The following LAMA2 variants were observed in gnomAD, a reference collection of about 807,000 sequenced individuals.
LAMA2 encodes laminin subunit alpha 2.
A neutral mutation model predicts 364.8 loss-of-function variants in LAMA2; 269 were observed. The ratio of observed to expected loss-of-function variants is 0.74; its 90% CI spans 0.67 to 0.82. The LOEUF is 0.82. LAMA2 is among the 40% of genes least tolerant of loss of function. The pLI is 0.00. For missense variants in LAMA2, 3,807 were observed against 3,873.2 expected (o/e 0.98, Z 0.45); for synonymous variants, 1,379 against 1,370.6 (o/e 1.01, Z -0.14).
intron 55 of LAMA2, among the ~76,000 whole-genome samples, 186 bp from the exon 56 acceptor site, chr6:129,486,287 CA>C (rs2114848446): frequency 6.6e-6 from 1 of 152,296 alleles, no homozygotes; most frequent in African/African-American, 2.4e-5. Flanking sequence ...GATCATCTCA[CA>C]AGCAAAAATG....
At chr6:129,496,984 A>C (rs1020078394) in intron 58 of LAMA2, among the ~76,000 whole-genome samples, 4 of 152,048 alleles carry the variant, frequency 2.6e-5, no homozygotes, top group African/African-American at 9.7e-5. Context: ...CCATCTCTCT[A>C]TTTATTCTTT....
rs1406058979 is a variant in LAMA2, at chr6:129,260,726, C to G, written c.2112C>G (p.Asn704Lys). The change falls in exon 15 of 65, where the codon AAC becomes AAG. Residue 704 changes from asparagine (N) to lysine (K), a missense_variant. Coordinates refer to ENST00000421865, the MANE Select transcript of LAMA2 (RefSeq NM_000426.4). ...MDAIFRLSSV[N>K]LESAVSYPTD... ...TCTGCCATAGGTTGAGCTCTGTTAACCTTGAATCCGCTGTCTCCTATCCTA... is the reference window on the plus strand; with the variant it reads ...TCTGCCATAGGTTGAGCTCTGTTAAGCTTGAATCCGCTGTCTCCTATCCTA... The G allele has an allele frequency of 6.2e-7, 1 of 1,610,820 alleles. No homozygotes were observed. Among genetic ancestry groups the G allele is most frequent in the African/African-American group, 1.3e-5 (1 of 74,914 alleles).
At chr6:129,133,682 A>G (rs1054249965) in intron 4 of LAMA2, among the ~76,000 whole-genome samples, 6 of 152,204 alleles carry the variant, frequency 3.9e-5, no homozygotes, top group African/African-American at 1.4e-4. Context: ...CATTAGTATG[A>G]TTCCATAAAT....
At chr6:129,185,991 A>C (rs1294691154) in intron 10 of LAMA2, among the ~76,000 whole-genome samples, 1 of 151,750 alleles carries the variant, frequency 6.6e-6, no homozygotes, top group East Asian at 1.9e-4. Flanking sequence ...CTGTAGTGTG[A>C]AAATTATCAT....
chr6:129,284,392 A>G (rs1379967705), intron 18 of LAMA2, among the ~76,000 whole-genome samples: 2 of 152,166 alleles, frequency 1.3e-5, no homozygotes, highest in African/African-American at 2.4e-5. Context: ...GTGTGCTGCC[A>G]TAATAGCATT....
chr6:129,251,587 T>C (rs190295478), intron 13 of LAMA2, among the ~76,000 whole-genome samples: 1 of 152,316 alleles, frequency 6.6e-6, no homozygotes, highest in Admixed American at 6.5e-5. Flanking sequence ...CTTCCCTTCA[T>C]GTATACCACA....
intron 1 of LAMA2, chr6:128,930,031 C>T (rs1282077574): frequency 4.5e-6 from 2 of 448,202 alleles, no homozygotes; most frequent in Admixed American, 3.9e-5. Context: ...TTGCAGAGCA[C>T]GGGGCGCCGT....
chr6:129,137,347 A>G (rs1021542163), intron 4 of LAMA2, among the ~76,000 whole-genome samples: 1 of 152,014 alleles, frequency 6.6e-6, no homozygotes, highest in African/African-American at 2.4e-5. Context: ...TTCTGAGTAG[A>G]AGGAATATTA....
Position 129,314,747 on chromosome 6 carries a change from C to T in LAMA2, c.3504C>T (p.Cys1168=), listed in dbSNP as rs1325699817. The T allele has an allele frequency of 6.2e-7, 1 of 1,613,918 alleles. No homozygotes were observed. The highest frequency in any genetic ancestry group is 1.3e-5 in the African/African-American group (1 of 74,930). The part of the protein sequence containing the change: ...KNPLGCSSCY[C]FGTTTQCSEA... Reference sequence around the variant, plus strand: ...CACTTGGCTGCAGCAGCTGCTATTGCTTCGGCACTACTACCCAGTGCTCTG... The same window carrying T: ...CACTTGGCTGCAGCAGCTGCTATTGTTTCGGCACTACTACCCAGTGCTCTG... Residue 1168 remains cysteine, a synonymous_variant, in exon 24 of 65, where the codon TGC becomes TGT. Coordinates refer to ENST00000421865, the MANE Select transcript of LAMA2 (RefSeq NM_000426.4).
intron 12 of LAMA2, among the ~76,000 whole-genome samples, chr6:129,244,396 G>A (rs1475794602): frequency 1.3e-5 from 2 of 152,028 alleles, no homozygotes; most frequent in African/African-American, 4.8e-5. Flanking sequence ...TAAGGCTCGC[G>A]GGCTTTGGGA....
intron 12 of LAMA2, among the ~76,000 whole-genome samples, chr6:129,209,277 G>A (rs942384781): frequency 1.3e-5 from 2 of 152,184 alleles, no homozygotes; most frequent in Non-Finnish European, 1.5e-5. Flanking sequence ...CTAATCTTAA[G>A]TCTGCTCTTG....
rs371250084 is a variant in LAMA2, at chr6:129,192,402, A to T, written c.1609-278A>T. Among the ~76,000 whole-genome samples, 11 of 152,314 alleles carry T rather than the reference A, an allele frequency of 7.2e-5. No homozygotes were observed. In the East Asian group the frequency reaches 1.9e-3, roughly 27 times the overall value. On this transcript the variant is annotated intron_variant, in intron 11 of 64. Coordinates refer to ENST00000421865, the MANE Select transcript of LAMA2 (RefSeq NM_000426.4). ...TAAGAAAGTGGTATTTGGAACCACA[A>T]TTTTTTAAAAAGCATAGGTTCAATG... is the stretch of plus-strand genomic sequence containing the variant.
At chr6:129,029,102 G>A (rs960448033) in intron 1 of LAMA2, among the ~76,000 whole-genome samples, 1 of 151,842 alleles carries the variant, frequency 6.6e-6, no homozygotes, top group African/African-American at 2.4e-5. Context: ...CAAGGAGAAA[G>A]GAATATGTTA....
chr6:129,017,561 T>C (rs1785157681), intron 1 of LAMA2, among the ~76,000 whole-genome samples: 1 of 152,050 alleles, frequency 6.6e-6, no homozygotes, highest in African/African-American at 2.4e-5. Context: ...TATATATATA[T>C]ATAAAATGGT....
At chr6:129,260,433 T>C (rs1787036997) in intron 14 of LAMA2, among the ~76,000 whole-genome samples, 1 of 152,068 alleles carries the variant, frequency 6.6e-6, no homozygotes, top group South Asian at 2.1e-4. Flanking sequence ...CTCCAAAAAA[T>C]GAAAATCAAA....
At chr6:129,154,992 T>C (rs1779022924) in intron 8 of LAMA2, among the ~76,000 whole-genome samples, 2 of 152,198 alleles carry the variant, frequency 1.3e-5, no homozygotes, top group South Asian at 4.1e-4. Context: ...AAAAATGAAA[T>C]CATACAGTAC....
chr6:129,164,036 A>G (rs372134711), intron 8 of LAMA2, among the ~76,000 whole-genome samples: 1 of 152,102 alleles, frequency 6.6e-6, no homozygotes, highest in African/African-American at 2.4e-5. Flanking sequence ...TCTTTTTTTA[A>G]TAAGGTCAAC....
intron 12 of LAMA2, among the ~76,000 whole-genome samples, chr6:129,225,099 A>T (rs960159718): frequency 7.2e-5 from 11 of 152,160 alleles, no homozygotes; most frequent in Admixed American, 4.6e-4. Context: ...CATTTCTTCA[A>T]GATTTTCTAG....
intron 1 of LAMA2, among the ~76,000 whole-genome samples, chr6:128,930,700 T>G (rs959289754): frequency 6.6e-6 from 1 of 152,208 alleles, no homozygotes; most frequent in African/African-American, 2.4e-5. Context: ...CTTAACTGAT[T>G]TTTCTACTCA....
Sources: allele counts gnomAD v4.1 joint callset (sites outside exome capture counted in the v4.1 genomes callset), GRCh38; gene constraint gnomAD v4.1.1; transcripts MANE v1.5; gene names NCBI Gene and HGNC (gene_info 2026-07-23, HGNC 2026-07-21).